The following DRC4 variants were observed in gnomAD, a reference collection of about 807,000 sequenced individuals.
DRC4 encodes GAS-11.
At chr16:90,031,118 C>T in the DRC4 span, 2 of 1,385,274 alleles carry the variant, frequency 1.4e-6, no homozygotes, top group Non-Finnish European at 1.9e-6. Context: ...CTGCCACCTG[C>T]TGAATGCATT....
chr16:90,032,378 G>A, the DRC4 span, among the ~76,000 whole-genome samples: 9 of 151,486 alleles, frequency 5.9e-5, no homozygotes, highest in Admixed American at 3.9e-4. Context: ...GTGACCAGGT[G>A]TGTACGGGTA....
the DRC4 span, chr16:90,037,267 C>T: frequency 6.2e-7 from 1 of 1,613,300 alleles, no homozygotes; most frequent in African/African-American, 1.3e-5. Context: ...AGGAGGACCA[C>T]CTGGAGAGGG....
At chr16:90,033,691 T>A in the DRC4 span, among the ~76,000 whole-genome samples, 26 of 152,074 alleles carry the variant, frequency 1.7e-4, no homozygotes, top group Admixed American at 2.6e-4. Context: ...TTGCTGAGTG[T>A]CCATTAGCTG....
the DRC4 span, chr16:90,040,416 C>T: frequency 4.2e-5 from 67 of 1,612,230 alleles, 1 homozygote; most frequent in East Asian, 8.9e-5. Flanking sequence ...CTCTGAGCGC[C>T]GCTGTGGAGA....
At chr16:90,021,801 C>G in the DRC4 span, among the ~76,000 whole-genome samples, 1 of 142,504 alleles carries the variant, frequency 7.0e-6, no homozygotes, top group Non-Finnish European at 1.5e-5. Flanking sequence ...CCCAGGAGGT[C>G]GAGGCTGCAG....
chr16:90,042,428 C>T, the DRC4 span: 1 of 1,599,934 alleles, frequency 6.3e-7, no homozygotes, highest in Admixed American at 1.7e-5. Flanking sequence ...TTGCCTCGGC[C>T]AAAAGATGAG....
the DRC4 span, among the ~76,000 whole-genome samples, chr16:90,038,119 G>T: frequency 1.3e-5 from 2 of 152,226 alleles, no homozygotes; most frequent in African/African-American, 4.8e-5. Context: ...TGCATATTCT[G>T]CAGAAGGCCT....
At chr16:90,040,307 A>G in the DRC4 span, 1 of 1,584,086 alleles carries the variant, frequency 6.3e-7, no homozygotes, top group Non-Finnish European at 8.6e-7. Context: ...CAGGTGCAGC[A>G]GGAGCGGGAC....
the DRC4 span, chr16:90,036,763 A>T: frequency 1.4e-6 from 1 of 714,156 alleles, no homozygotes; most frequent in South Asian, 1.5e-5. Flanking sequence ...AACGTAACCT[A>T]TCTCTACCTA....
the DRC4 span, chr16:90,040,152 A>T: frequency 1.3e-6 from 1 of 744,288 alleles, no homozygotes; most frequent in Non-Finnish European, 2.3e-6. Context: ...GGCAGTGTGG[A>T]CAACACACTG....
the DRC4 span, among the ~76,000 whole-genome samples, chr16:90,039,460 A>C: frequency 7.4e-6 from 1 of 135,350 alleles, no homozygotes; most frequent in Non-Finnish European, 1.5e-5. Flanking sequence ...ATCTCGGCTC[A>C]CTGCAACCTC....
chr16:90,019,929 G>A, the DRC4 span: 9 of 683,594 alleles, frequency 1.3e-5, no homozygotes, highest in Non-Finnish European at 2.4e-5. The surrounding 1 kb of genome is among the most constrained non-coding windows in gnomAD (Gnocchi z 6.1). Context: ...GTGTGCTTGG[G>A]AGGCTGGAAG....
chr16:90,022,706 C>T, the DRC4 span: 2 of 1,423,526 alleles, frequency 1.4e-6, no homozygotes, highest in Non-Finnish European at 1.8e-6. Context: ...CGCCGCTGGG[C>T]CTGTCCGCTG....
chr16:90,036,691 A>G, the DRC4 span: 8 of 949,068 alleles, frequency 8.4e-6, no homozygotes, highest in East Asian at 1.6e-4. Context: ...CAACACACCC[A>G]GTACTTTTTA....
At chr16:90,041,312 C>T in the DRC4 span, among the ~76,000 whole-genome samples, 24 of 152,182 alleles carry the variant, frequency 1.6e-4, no homozygotes, top group East Asian at 1.9e-4. Context: ...CAGAGGCCCC[C>T]GCAGGGACAC....
chr16:90,027,520 G>A, the DRC4 span: 7 of 954,140 alleles, frequency 7.3e-6, no homozygotes, highest in South Asian at 8.5e-5. Context: ...CTCCAGGTGA[G>A]CAGAAGGGAG....
chr16:90,040,387 C>A, the DRC4 span: 1 of 1,611,590 alleles, frequency 6.2e-7, no homozygotes, highest in East Asian at 2.2e-5. Flanking sequence ...GAACCTCGTG[C>A]TAGAACGCAA....
chr16:90,026,191 G>C, the DRC4 span, among the ~76,000 whole-genome samples: 1 of 152,152 alleles, frequency 6.6e-6, no homozygotes. Flanking sequence ...AGCAAAGTCA[G>C]CAGGATAGGA....
the DRC4 span, chr16:90,028,993 G>A: frequency 7.7e-7 from 1 of 1,305,306 alleles, no homozygotes; most frequent in Admixed American, 2.3e-5. Flanking sequence ...ATGGGGTCAG[G>A]TTTGTGTTCT....
Sources: gnomAD v4.1 joint callset for allele counts (sites outside exome capture counted in the v4.1 genomes callset) on GRCh38, gnomAD v4.1.1 for gene constraint, Gnocchi (gnomAD v3.1) non-coding constraint, MANE v1.5 for transcripts, NCBI Gene and HGNC (gene_info 2026-07-23, HGNC 2026-07-21) for gene names.